Variants in CBLB observed in about 807,000 individuals in gnomAD.
CBLB encodes the protein Cbl proto-oncogene B.
In CBLB, 31 loss-of-function variants were observed where a neutral mutation model predicts 104.9. That is an observed-to-expected ratio of 0.30 (90% CI 0.22 to 0.40). The LOEUF (loss-of-function observed/expected upper bound fraction) is 0.40, where lower values mean the gene tolerates loss of function less well. CBLB is among the 10% of genes least tolerant of loss of function. The probability of loss-of-function intolerance (pLI) is 1.00; values close to 1 mark genes in which losing one functional copy is unlikely to be tolerated. For missense variants in CBLB, 1,062 were observed against 1,214.6 expected (o/e 0.87, Z 1.87); for synonymous variants, 440 against 422.6 (o/e 1.04, Z -0.51).
intron 6 of CBLB, among the ~76,000 whole-genome samples, chr3:105,742,774 T>A (rs1560047909): frequency 1.3e-5 from 2 of 152,310 alleles, no homozygotes; most frequent in East Asian, 3.9e-4. Flanking sequence ...AGAAAATAAT[T>A]ACACATCTGC....
chr3:105,710,888 T>C (rs561258511), intron 10 of CBLB, among the ~76,000 whole-genome samples: 1 of 152,076 alleles, frequency 6.6e-6, no homozygotes, highest in Non-Finnish European at 1.5e-5. Context: ...ACATGTTCAA[T>C]CTTAACAGAA....
chr3:105,684,564 T>G (rs2066762930), intron 14 of CBLB, among the ~76,000 whole-genome samples: 1 of 152,054 alleles, frequency 6.6e-6, no homozygotes, highest in South Asian at 2.1e-4. Flanking sequence ...ATTCTTTTTT[T>G]TTTTTTGAGA....
At chr3:105,868,280 A>G (rs1706444620) in intron 1 of CBLB, 5 of 1,186,808 alleles carry the variant, frequency 4.2e-6, no homozygotes, top group Non-Finnish European at 5.3e-6. Context: ...CGGCCACGGA[A>G]AGGAGGAGTT....
At chr3:105,733,981 A>C (rs754376473) in intron 9 of CBLB, 28 bp downstream of exon 9, 2 of 1,607,964 alleles carry the variant, frequency 1.2e-6, no homozygotes, top group East Asian at 2.2e-5. Context: ...ACATATAAGA[A>C]AGACATCCAT....
rs373065230 is a variant in CBLB at position 105,702,476 on chromosome 3, G to GGA, written c.1594-18_1594-17insTC. 3.2e-5 allele frequency: 9 copies of GGA among 279,640 alleles called. No homozygotes were observed. The highest frequency in any genetic ancestry group is 9.0e-5 in the East Asian group (1 of 11,100). 17.3% of individuals were successfully genotyped at this position (279,640 alleles called of 1,614,324 possible). ...AGGAGAAGACTAAAGAAACAGAAGA[G>GGA]AAAAAAAAAAAAAAAAAAAAAAACT... is the stretch of plus-strand genomic sequence containing the variant. On this transcript the variant is annotated splice_polypyrimidine_tract_variant and intron_variant, in intron 11 of 18. Coordinates refer to ENST00000394030, the MANE Select transcript of CBLB (RefSeq NM_170662.5).
chr3:105,786,183 T>C (rs1443766027), intron 3 of CBLB, among the ~76,000 whole-genome samples: 3 of 152,078 alleles, frequency 2.0e-5, no homozygotes, highest in Non-Finnish European at 2.9e-5. Flanking sequence ...TTATAGATGA[T>C]GTGTTGTAAA....
chr3:105,714,332 C>A (rs925191808), intron 10 of CBLB, among the ~76,000 whole-genome samples: 3 of 152,092 alleles, frequency 2.0e-5, no homozygotes, highest in South Asian at 2.1e-4. Context: ...AAATGTGTTA[C>A]ATTTATTATG....
In CBLB at chr3:105,682,730, T is replaced by C. The variant is rs1576307617; in HGVS notation, c.2202-912A>G. Among the ~76,000 whole-genome samples, 5 of 152,130 alleles carry C rather than the reference T, an allele frequency of 3.3e-5. No individual in the cohort carries two copies. The South Asian group carries it at 1.0e-3, about 32-fold the overall frequency. On this transcript the variant is annotated intron_variant, in intron 14 of 18. Coordinates refer to ENST00000394030, the MANE Select transcript of CBLB (RefSeq NM_170662.5). ...GTTGCCCAGGCTGGTCTCAAACTCCTGGCCGCAAGTGATCTGCCTACCTCA... is the reference window on the plus strand; with the variant it reads ...GTTGCCCAGGCTGGTCTCAAACTCCCGGCCGCAAGTGATCTGCCTACCTCA...
Position 105,657,155 on chromosome 3 carries a change from A to G in CBLB, c.*1815T>C, listed in dbSNP as rs1206738092. 1 of 224,430 alleles carries G rather than the reference A, an allele frequency of 4.5e-6. No homozygotes were observed. Among genetic ancestry groups the G allele is most frequent in the Non-Finnish European group, 8.9e-6 (1 of 112,590 alleles). 13.9% of individuals were successfully genotyped at this position (224,430 alleles called of 1,614,324 possible). A position where few individuals can be genotyped will look rare whatever the true frequency, so the allele number is the denominator to read the frequency against. On this transcript the variant is annotated 3_prime_UTR_variant, in exon 19 of 19. Coordinates refer to ENST00000394030, the MANE Select transcript of CBLB (RefSeq NM_170662.5). The stretch of plus-strand genomic sequence containing the variant: ...AGCCAGACTGTCAAAAAAAGGGCAC[A>G]TGTCACTTTGCAAAGGAATGTATTA...
intron 3 of CBLB, among the ~76,000 whole-genome samples, chr3:105,832,088 G>A (rs2087626160): frequency 6.6e-6 from 1 of 152,014 alleles, no homozygotes; most frequent in African/African-American, 2.4e-5. Flanking sequence ...AGCAATGGAT[G>A]AAAATTCTTT....
At chr3:105,806,689 A>G (rs959787501) in intron 3 of CBLB, among the ~76,000 whole-genome samples, 9 of 152,144 alleles carry the variant, frequency 5.9e-5, no homozygotes, top group African/African-American at 2.2e-4. Flanking sequence ...TCATTGAAAT[A>G]CTACCCTGCA....
chr3:105,729,800 G>A (rs1051133208), intron 9 of CBLB, among the ~76,000 whole-genome samples: 2 of 152,066 alleles, frequency 1.3e-5, no homozygotes, highest in African/African-American at 2.4e-5. Context: ...GCTTTAACTA[G>A]ATTAACTTTA....
intron 9 of CBLB, among the ~76,000 whole-genome samples, chr3:105,724,361 T>C (rs1007447228): frequency 1.3e-5 from 2 of 152,120 alleles, no homozygotes; most frequent in South Asian, 2.1e-4. Flanking sequence ...AAAGCCTGCA[T>C]AGTAAATCAG....
chr3:105,782,450 G>A (rs1036176763), intron 3 of CBLB, among the ~76,000 whole-genome samples: 1 of 152,102 alleles, frequency 6.6e-6, no homozygotes, highest in African/African-American at 2.4e-5. Context: ...ACTAAAGGAA[G>A]ATCTTACATT....
chr3:105,751,575 C>A lies in CBLB; in HGVS notation c.610G>T (p.Val204Phe). The part of the protein sequence containing the change: ...WKVFRQCLHE[V>F]HQISSGLEAM... Reference sequence around the variant, plus strand: ...TCCAGGCCAGAGCTAATCTGGTGGACCTCATGAAGGCACTGTCTGAATACT... The same window carrying A: ...TCCAGGCCAGAGCTAATCTGGTGGAACTCATGAAGGCACTGTCTGAATACT... Residue 204 changes from valine (V) to phenylalanine (F), a missense_variant, in exon 5 of 19, where the codon GTC (valine) becomes TTC (phenylalanine). Coordinates refer to ENST00000394030, the MANE Select transcript of CBLB (RefSeq NM_170662.5). 6.2e-7 allele frequency: 1 copy of A among 1,612,874 alleles called. No homozygotes were observed. The highest frequency in any genetic ancestry group is 1.1e-5 in the South Asian group (1 of 91,040).
intron 10 of CBLB, among the ~76,000 whole-genome samples, chr3:105,716,343 G>A (rs981586359): frequency 1.3e-5 from 2 of 152,110 alleles, no homozygotes; most frequent in African/African-American, 2.4e-5. Context: ...GCAGGAGTGT[G>A]CATTTATTAG....
chr3:105,803,803 T>C (rs1302859792), intron 3 of CBLB, among the ~76,000 whole-genome samples: 2 of 152,196 alleles, frequency 1.3e-5, no homozygotes, highest in Non-Finnish European at 2.9e-5. Context: ...AGGGGTCACT[T>C]ATCTTTTCAC....
chr3:105,728,266 C>A (rs2073918483), intron 9 of CBLB, among the ~76,000 whole-genome samples: 1 of 152,220 alleles, frequency 6.6e-6, no homozygotes, highest in South Asian at 2.1e-4. Context: ...TCAGCAAAGT[C>A]TCAGGATATA....
chr3:105,677,350 T>TAAAAAAAA (rs59169680), intron 17 of CBLB, among the ~76,000 whole-genome samples: 1 of 108,768 alleles, frequency 9.2e-6, no homozygotes. Flanking sequence ...TCAAACCAAG[T>TAAAAAAAA]AAAAAAAAAA....
Sources: gnomAD v4.1 joint callset for allele counts (sites outside exome capture counted in the v4.1 genomes callset) on GRCh38, gnomAD v4.1.1 for gene constraint, MANE v1.5 for transcripts, NCBI Gene and HGNC (gene_info 2026-07-23, HGNC 2026-07-21) for gene names.